Variants in HFM1 observed in about 807,000 individuals in gnomAD.
HFM1 encodes the protein probable ATP-dependent DNA helicase HFM1.
In HFM1, 169 loss-of-function variants were observed where a neutral mutation model predicts 192.1. That is an observed-to-expected ratio of 0.88 (90% confidence interval 0.78 to 1.00). HFM1 has a LOEUF of 1.00. HFM1 is among the 50% of genes least tolerant of loss of function. The pLI is 0.00. For synonymous variants in HFM1, 525 were observed against 537.8 expected, an observed-to-expected ratio of 0.98 and a Z score of 0.33; for missense variants, 1,661 against 1,668.0, an observed-to-expected ratio of 1.00 and a Z score of 0.07.
intron 13 of HFM1, among the ~76,000 whole-genome samples, chr1:91,372,470 A>G (rs1023950001): frequency 6.6e-6 from 1 of 152,228 alleles, no homozygotes; most frequent in African/African-American, 2.4e-5. Flanking sequence ...TATCATTCGC[A>G]GCAAACTATC....
chr1:91,261,795 T>G (rs1204485634), intron 38 of HFM1: 1 of 155,168 alleles, frequency 6.4e-6, no homozygotes, highest in Non-Finnish European at 1.4e-5. Flanking sequence ...TGCAACACAG[T>G]TTCCTTTTCT....
At chr1:91,290,120 A>G (rs559535313) in intron 30 of HFM1, among the ~76,000 whole-genome samples, 4 of 152,270 alleles carry the variant, frequency 2.6e-5, no homozygotes, top group African/African-American at 9.6e-5. Flanking sequence ...GACCATCGAG[A>G]CTAGGAAGAA....
chr1:91,314,405 G>A (rs188450703), intron 28 of HFM1, among the ~76,000 whole-genome samples: 48 of 152,146 alleles, frequency 3.2e-4, no homozygotes. Context: ...AGGCACATTG[G>A]CACTATGCTC....
chr1:91,380,432 G>A lies in HFM1; in HGVS notation c.874-196C>T, dbSNP rs528184816. On this transcript the variant is annotated intron_variant, in intron 7 of 38. Transcript: ENST00000370425. ...AACACTATTAGTATTTTATCATGCT[G>A]TTTTATTTGTCAATGTAGACCTAGG... is the stretch of plus-strand genomic sequence containing the variant. 3.6e-3 allele frequency among the ~76,000 whole-genome samples: 552 copies of A among 152,176 alleles called. 4 individuals carry two copies. Among genetic ancestry groups the A allele is most frequent in the Middle Eastern group, 0.014 (4 of 294 alleles).
At chr1:91,328,971 G>A in intron 20 of HFM1, 2 of 1,612,668 alleles carry the variant, frequency 1.2e-6, no homozygotes, top group Non-Finnish European at 1.7e-6. Context: ...CTGACTGCCA[G>A]TGAAGCCAAA....
At chr1:91,327,448 G>A (rs529513307) in intron 20 of HFM1, among the ~76,000 whole-genome samples, 53 of 152,282 alleles carry the variant, frequency 3.5e-4, no homozygotes, top group African/African-American at 1.2e-3. Context: ...AGCCTGGGAC[G>A]TGGAGGTTAT....
chr1:91,294,714 G>C (rs1647262929), intron 30 of HFM1, among the ~76,000 whole-genome samples: 1 of 152,122 alleles, frequency 6.6e-6, no homozygotes, highest in South Asian at 2.1e-4. Context: ...ATTGTATTGG[G>C]TCAATATACC....
chr1:91,289,019 C>T (rs1228273311), intron 30 of HFM1, among the ~76,000 whole-genome samples: 10 of 150,402 alleles, frequency 6.6e-5, no homozygotes, highest in African/African-American at 9.8e-5. Context: ...CCCCACCTCC[C>T]GGATGGGGCA....
chr1:91,386,148 G>A (rs1385785746), intron 4 of HFM1, among the ~76,000 whole-genome samples: 1 of 152,148 alleles, frequency 6.6e-6, no homozygotes, highest in African/African-American at 2.4e-5. Context: ...TGTCTAACTA[G>A]CAGAGTACTG....
chr1:91,326,328 C>T (rs928839978), intron 20 of HFM1, among the ~76,000 whole-genome samples: 7 of 152,082 alleles, frequency 4.6e-5, no homozygotes, highest in Non-Finnish European at 8.8e-5. Flanking sequence ...TAATCAAACT[C>T]CCAAAGGTCA....
chr1:91,265,880 C>T, intron 36 of HFM1, 137 bp downstream of exon 36: 3 of 1,162,488 alleles, frequency 2.6e-6, no homozygotes, highest in Non-Finnish European at 1.2e-6. Context: ...GAGAAATACA[C>T]CTCTAAGATT....
At chr1:91,265,192 T>G (rs1277615692) in intron 36 of HFM1, among the ~76,000 whole-genome samples, 1 of 152,182 alleles carries the variant, frequency 6.6e-6, no homozygotes, top group Non-Finnish European at 1.5e-5. Context: ...TTTGGATGGT[T>G]TCTCACTGCC....
chr1:91,345,354 T>C (rs1472318175), intron 19 of HFM1, among the ~76,000 whole-genome samples: 1 of 151,994 alleles, frequency 6.6e-6, no homozygotes, highest in African/African-American at 2.4e-5. Flanking sequence ...AGAAGGCCAA[T>C]TTGGTGAGAG....
chr1:91,407,526 T>A (rs1664851618), upstream of HFM1, among the ~76,000 whole-genome samples: 1 of 152,220 alleles, frequency 6.6e-6, no homozygotes, highest in Non-Finnish European at 1.5e-5. Flanking sequence ...GATTATTCAC[T>A]TAGCATAATG....
intron 1 of HFM1, among the ~76,000 whole-genome samples, chr1:91,402,582 G>A (rs1227529464): frequency 6.6e-6 from 1 of 152,086 alleles, no homozygotes; most frequent in Non-Finnish European, 1.5e-5. Flanking sequence ...AGAAATATGC[G>A]AAGTCTTTAA....
intron 30 of HFM1, among the ~76,000 whole-genome samples, chr1:91,287,202 G>C (rs1449997009): frequency 1.3e-5 from 2 of 152,214 alleles, no homozygotes; most frequent in African/African-American, 2.4e-5. Context: ...TCCACCTCTG[G>C]GGGCAGCGCA....
At chr1:91,288,366 CTTTTTTTTT>C (rs35536576) in intron 30 of HFM1, among the ~76,000 whole-genome samples, 2 of 134,330 alleles carry the variant, frequency 1.5e-5, no homozygotes, top group Non-Finnish European at 3.2e-5. Flanking sequence ...ATTCAACATT[CTTTTTTTTT>C]TTTTTTTTTT....
At chr1:91,302,003 TG>T (rs1424681949) in intron 30 of HFM1, among the ~76,000 whole-genome samples, 1 of 69,742 alleles carries the variant, frequency 1.4e-5, no homozygotes, top group Admixed American at 1.8e-4. Flanking sequence ...GCCTACAGAA[TG>T]GGAGAAAATT....
intron 30 of HFM1, among the ~76,000 whole-genome samples, chr1:91,311,677 G>T (rs965747627): frequency 6.6e-6 from 1 of 151,622 alleles, no homozygotes; most frequent in African/African-American, 2.4e-5. Flanking sequence ...CAATAGAAAA[G>T]AAAAACCCAT....
Sources: allele counts gnomAD v4.1 joint callset (sites outside exome capture counted in the v4.1 genomes callset), GRCh38; gene constraint gnomAD v4.1.1; transcripts MANE v1.5; gene names NCBI Gene and HGNC (gene_info 2026-07-23, HGNC 2026-07-21).